The following YME1L1 variants were observed in gnomAD, a reference collection of about 807,000 sequenced individuals.
YME1L1 encodes the protein YME1 like 1 ATPase.
Under a neutral mutation model 90.4 loss-of-function variants are expected in YME1L1, and 39 were observed. That is an observed-to-expected ratio of 0.43 (90% CI 0.33 to 0.56). The LOEUF (loss-of-function observed/expected upper bound fraction) is 0.56, where lower values mean the gene tolerates loss of function less well. Among genes scored for constraint, YME1L1 ranks in the 20% least tolerant of loss-of-function variants. The pLI, the probability that YME1L1 is intolerant of heterozygous loss-of-function variation, is 0.03. For synonymous variants in YME1L1, 284 were observed against 287.3 expected (o/e 0.99, Z 0.12); for missense variants, 617 against 868.4 (o/e 0.71, Z 3.64).
chr10:27,137,709 A>G (rs763891191), intron 4 of YME1L1, among the ~76,000 whole-genome samples: 47 of 152,298 alleles, frequency 3.1e-4, no homozygotes, highest in Non-Finnish European at 6.2e-4. Context: ...AAAATTTTGA[A>G]AAGCTTCCTC....
rs371212669 is a variant in YME1L1, at chr10:27,111,130, A to G, written c.*847T>C. On this transcript the variant is annotated 3_prime_UTR_variant, in exon 19 of 19. Coordinates refer to ENST00000376016, the MANE Select transcript of YME1L1 (RefSeq NM_014263.4). ...GAGTGCAGTGGCATGATCTCAGCTC[A>G]CTGCAACCTCCATCTCCCAGGCTCA... The G allele has an allele frequency of 1.3e-5, 2 of 152,082 alleles. No individual in the cohort carries two copies. Among genetic ancestry groups the G allele is most frequent in the Non-Finnish European group, 2.9e-5 (2 of 68,072 alleles). The allele number at this position is 152,082 out of a possible 1,614,324, so 9.4% of individuals were successfully genotyped here.
intron 7 of YME1L1, among the ~76,000 whole-genome samples, chr10:27,132,519 GAAAAAAT>G (rs1564462255): frequency 6.6e-6 from 1 of 151,312 alleles, no homozygotes; most frequent in Non-Finnish European, 1.5e-5. Context: ...TAATAAACTT[GAAAAAAT>G]AAAAAATAAT....
chr10:27,147,556 CTCT>C (rs2057158472), intron 2 of YME1L1: 2 of 1,607,498 alleles, frequency 1.2e-6, no homozygotes, highest in Non-Finnish European at 1.7e-6. Flanking sequence ...TGTGTCCAAG[CTCT>C]TCTTCATCCT....
chr10:27,150,920 C>CTTT (rs142259641), intron 1 of YME1L1, among the ~76,000 whole-genome samples: 48 of 87,684 alleles, frequency 5.5e-4, no homozygotes, highest in South Asian at 5.1e-3. Context: ...ACTCTCTCGC[C>CTTT]TTTTTTTTTT....
rs1186126104 is a variant in YME1L1, at chr10:27,145,574, CTTAAG to C, written c.180_184del (p.Asn60LysfsTer7). 1 of 1,612,550 alleles carries C rather than the reference CTTAAG, an allele frequency of 6.2e-7. No homozygotes were observed. The highest frequency in any genetic ancestry group is 8.5e-7 in the Non-Finnish European group (1 of 1,179,104). On this transcript the variant is annotated frameshift_variant, in exon 3 of 19. Coordinates refer to ENST00000376016, the MANE Select transcript of YME1L1 (RefSeq NM_014263.4). LOFTEE classifies it high-confidence loss of function. ...TTTTAGTTCAGATAATCCAAGGTCC[CTTAAG>C]TTAAGTGAAGGCTGTAAAAGATTGG...
intron 4 of YME1L1, among the ~76,000 whole-genome samples, chr10:27,137,175 C>T (rs187464626): frequency 1.3e-3 from 194 of 152,306 alleles, no homozygotes; most frequent in Middle Eastern, 3.4e-3. Flanking sequence ...AATCCCACTT[C>T]CCAGAAGTAT....
chr10:27,154,166 T>C lies in YME1L1; in HGVS notation c.33+12A>G, dbSNP rs1387971968. 8 of 1,587,162 alleles carry C rather than the reference T, an allele frequency of 5.0e-6. No individual in the cohort carries two copies. The highest frequency in any genetic ancestry group is 6.0e-6 in the Non-Finnish European group (7 of 1,165,792). ...GCGGGAGGAAAAAAAATGGGCTGAA[T>C]GCCTGGCTTACCTGGGGTTGCACCG... On this transcript the variant is annotated intron_variant, in intron 1 of 18. Coordinates refer to ENST00000376016, the MANE Select transcript of YME1L1 (RefSeq NM_014263.4).
At chr10:27,154,085 A>G (rs990511114) in intron 1 of YME1L1, 93 bp downstream of exon 1, 4 of 1,466,816 alleles carry the variant, frequency 2.7e-6, no homozygotes, top group South Asian at 2.4e-5. Flanking sequence ...TCATTTCTAG[A>G]GTCCCTTCTG....
rs550636393 is a variant in YME1L1 at position 27,111,080 on chromosome 10, G to C, written c.*897C>G. 6.6e-6 allele frequency: 1 copy of C among 151,864 alleles called. No individual in the cohort carries two copies. Among genetic ancestry groups the C allele is most frequent in the Non-Finnish European group, 1.5e-5 (1 of 67,992 alleles). 9.4% of individuals were successfully genotyped at this position (151,864 alleles called of 1,614,324 possible). ...TTTATTTTAATTTTTTTTTGAGGCA[G>C]AGTCTTGCTCTGTTGCCCAGGCTGG... On this transcript the variant is annotated 3_prime_UTR_variant, in exon 19 of 19. Transcript: ENST00000376016.
chr10:27,130,929 T>G (rs1202313936), intron 8 of YME1L1, among the ~76,000 whole-genome samples: 1 of 152,228 alleles, frequency 6.6e-6, no homozygotes, highest in Non-Finnish European at 1.5e-5. Context: ...TTGTGGCTCT[T>G]TTTGACTCCT....
At chr10:27,150,417 G>A (rs547355942) in intron 1 of YME1L1, among the ~76,000 whole-genome samples, 2 of 152,246 alleles carry the variant, frequency 1.3e-5, no homozygotes, top group South Asian at 4.2e-4. Flanking sequence ...CAAAATGAGG[G>A]TAAATGAGGC....
chr10:27,119,413 C>T lies in YME1L1; in HGVS notation c.1448G>A (p.Gly483Asp). 6.2e-7 allele frequency: 1 copy of T among 1,612,864 alleles called. No homozygotes were observed. The highest frequency in any genetic ancestry group is 8.5e-7 in the Non-Finnish European group (1 of 1,179,556). The change falls in exon 14 of 19, where the codon GGC (glycine) becomes GAC (aspartate). Residue 483 changes from glycine (G) to aspartate (D), a missense_variant. Physicochemically the swap from Gly to Asp is moderately conservative, Grantham distance 94 (BLOSUM62 -1). Coordinates refer to ENST00000376016, the MANE Select transcript of YME1L1 (RefSeq NM_014263.4). Reference protein sequence around the residue: ...DPEIIARGTVGFSGAELENLV... With the variant: ...DPEIIARGTVDFSGAELENLV... ...ATTCTCCAACTCTGCTCCGGAAAAG[C>T]CAACAGTACCTCGAGCTATAATTTC...
intron 18 of YME1L1, 47 bp downstream of exon 18, chr10:27,114,474 A>C: frequency 6.7e-7 from 1 of 1,490,464 alleles, no homozygotes; most frequent in African/African-American, 1.4e-5. Flanking sequence ...TGACTATTTA[A>C]GCACATTGTT....
intron 1 of YME1L1, among the ~76,000 whole-genome samples, chr10:27,150,451 C>A (rs1333668567): frequency 1.3e-5 from 2 of 152,090 alleles, no homozygotes; most frequent in Non-Finnish European, 2.9e-5. Context: ...GTTGCATTCC[C>A]AGGAGGTTAG....
chr10:27,135,035 A>T, intron 5 of YME1L1, 54 bp from the exon 6 acceptor site: 1 of 1,520,140 alleles, frequency 6.6e-7, no homozygotes, highest in Admixed American at 2.0e-5. Context: ...GATACTTCCC[A>T]ACAATATTGT....
At position 27,111,780 on chromosome 10, in the gene YME1L1, T is replaced by C. The variant is rs2056761003; in HGVS notation, c.*197A>G. On this transcript the variant is annotated 3_prime_UTR_variant, in exon 19 of 19. Coordinates refer to ENST00000376016, the MANE Select transcript of YME1L1 (RefSeq NM_014263.4). ...TTATTTTTTCAAAATATATTTGCCA[T>C]GGGATGCTAATTTGCAATAGGTGTC... is the stretch of plus-strand genomic sequence containing the variant. The C allele has an allele frequency of 3.0e-5, 21 of 705,048 alleles. No homozygotes were observed. The East Asian group carries it at 5.5e-4, about 18-fold the overall frequency. 43.7% of individuals were successfully genotyped at this position (705,048 alleles called of 1,614,324 possible).
intron 4 of YME1L1, among the ~76,000 whole-genome samples, chr10:27,137,023 C>A (rs368169103): frequency 7.1e-4 from 97 of 136,240 alleles, no homozygotes; most frequent in Non-Finnish European, 8.0e-4. Context: ...ACTGTGATTT[C>A]AAAAAAAAAA....
At chr10:27,112,537 C>T (rs1245416575) in intron 18 of YME1L1, among the ~76,000 whole-genome samples, 3 of 152,146 alleles carry the variant, frequency 2.0e-5, no homozygotes. Context: ...TCATTGTTCC[C>T]ATTACCTCTT....
chr10:27,123,603 G>C lies in YME1L1; in HGVS notation c.1046C>G (p.Ser349Cys), dbSNP rs2056887944. ...ADVPFYYASG[S>C]EFDEMFVGVG... ...ACCCACAAACATCTCATCAAATTCG[G>C]ATCCAGAAGCATAATAAAAAGGAAC... The change falls in exon 10 of 19, where the codon TCC (serine) becomes TGC (cysteine). Residue 349 changes from serine to cysteine, a missense_variant. Around this residue, in one of 4 missense-constraint regions of YME1L1, gnomAD observed 93 missense variants for 184.8 expected, o/e 0.50. Coordinates refer to ENST00000376016, the MANE Select transcript of YME1L1 (RefSeq NM_014263.4). 1 of 1,613,706 alleles carries C rather than the reference G, an allele frequency of 6.2e-7. No homozygotes were observed.
Sources: gnomAD v4.1 joint callset for allele counts (sites outside exome capture counted in the v4.1 genomes callset) on GRCh38, gnomAD v4.1.1 for gene constraint, gnomAD v4.1.1 regional missense constraint, MANE v1.5 for transcripts, NCBI Gene and HGNC (gene_info 2026-07-23, HGNC 2026-07-21) for gene names.